The following INSL6 variants were observed in gnomAD, a reference collection of about 807,000 sequenced individuals.
INSL6 encodes insulin like 6.
A neutral mutation model predicts 9.4 loss-of-function variants in INSL6; 16 were observed. The ratio of observed to expected loss-of-function variants is 1.70; its 90% CI spans 1.15 to 2.59. INSL6 has a LOEUF of 2.59. Among genes scored for constraint, INSL6 ranks in the 30% most tolerant of loss-of-function variants. The pLI is 0.00. For synonymous variants in INSL6, 154 were observed against 96.9 expected (o/e 1.59, Z -3.46); for missense variants, 391 against 257.3 (o/e 1.52, Z -3.56).
chr9:5,073,710 G>A, the INSL6 span: 1 of 1,610,474 alleles, frequency 6.2e-7, no homozygotes, highest in South Asian at 1.1e-5. Flanking sequence ...TTTCTTTGAA[G>A]CAGCAAGTAT....
At position 5,156,513 on chromosome 9, in the gene INSL6, T is replaced by C. The variant is rs575140881; in HGVS notation, c.376+7666A>G. 1.7e-4 allele frequency among the ~76,000 whole-genome samples: 26 copies of C among 152,204 alleles called. No individual in the cohort carries two copies. In the South Asian group the frequency reaches 1.9e-3, roughly 11 times the overall value. On this transcript the variant is annotated intron_variant, in intron 2 of 3. Coordinates refer to the INSL6 transcript ENST00000649639. ...GATTTCCATATATGCAGAAAAAGCA[T>C]TGGACAACATTCAACACCTACTCAT...
chr9:5,085,445 TGAA>T, the INSL6 span: 7 of 740,342 alleles, frequency 9.5e-6, no homozygotes, highest in Non-Finnish European at 1.8e-5. Flanking sequence ...GCAGTATTCT[TGAA>T]GGTCTTTTCA....
chr9:5,089,886 T>C, the INSL6 span: 1 of 1,428,604 alleles, frequency 7.0e-7, no homozygotes, highest in Non-Finnish European at 9.2e-7. Context: ...TTGAAACCTA[T>C]TTTAAATTCA....
At chr9:5,071,722 T>C in the INSL6 span, among the ~76,000 whole-genome samples, 1 of 152,084 alleles carries the variant, frequency 6.6e-6, no homozygotes, top group Non-Finnish European at 1.5e-5. Context: ...AGACAATAGA[T>C]AGAATTAGCC....
chr9:5,030,446 G>T, the INSL6 span, among the ~76,000 whole-genome samples: 2 of 152,098 alleles, frequency 1.3e-5, no homozygotes, highest in East Asian at 1.9e-4. Context: ...TTTGATTTGT[G>T]TCTCACAAAT....
At chr9:5,126,456 T>C (rs1824005457) in intron 3 of INSL6, 1 of 1,559,390 alleles carries the variant, frequency 6.4e-7, no homozygotes, top group Admixed American at 1.7e-5. Context: ...GGTAACAATT[T>C]TTTTTTAATC....
chr9:5,176,735 G>C (rs1381102407), intron 1 of INSL6, among the ~76,000 whole-genome samples: 2 of 146,364 alleles, frequency 1.4e-5, no homozygotes, highest in Non-Finnish European at 3.0e-5. Flanking sequence ...AAAAAAAAAT[G>C]GTATAAGTTT....
At chr9:5,112,934 C>T in the INSL6 span, 1 of 235,996 alleles carries the variant, frequency 4.2e-6, no homozygotes, top group African/African-American at 2.3e-5. Flanking sequence ...TGGGCTTCAT[C>T]CACATCCACA....
At chr9:5,044,795 G>C in the INSL6 span, among the ~76,000 whole-genome samples, 1 of 152,138 alleles carries the variant, frequency 6.6e-6, no homozygotes, top group Non-Finnish European at 1.5e-5. Flanking sequence ...ATTTCGCAAA[G>C]TATAGACTGA....
the INSL6 span, among the ~76,000 whole-genome samples, chr9:5,078,985 A>G: frequency 6.6e-6 from 1 of 152,208 alleles, no homozygotes; most frequent in Admixed American, 6.5e-5. Flanking sequence ...CTAGATAATT[A>G]TAACTGAATT....
the INSL6 span, among the ~76,000 whole-genome samples, chr9:5,063,239 T>C: frequency 7.2e-5 from 11 of 152,346 alleles, no homozygotes; most frequent in African/African-American, 2.6e-4. Context: ...TATTGCTTTA[T>C]GATTTTTCCT....
chr9:5,071,800 A>G, the INSL6 span, among the ~76,000 whole-genome samples: 5,334 of 152,292 alleles, frequency 0.035, 192 homozygotes, highest in Non-Finnish European at 0.048. Flanking sequence ...CTTGACTAAC[A>G]TTACAAATCT....
At chr9:5,090,744 G>GGAGT in the INSL6 span, 2 of 1,601,726 alleles carry the variant, frequency 1.2e-6, no homozygotes, top group Non-Finnish European at 1.7e-6. Context: ...CATAGGGTAT[G>GGAGT]GAGTATCTTG....
intron 1 of INSL6, among the ~76,000 whole-genome samples, chr9:5,166,809 T>C (rs954522018): frequency 4.6e-5 from 7 of 152,194 alleles, no homozygotes; most frequent in African/African-American, 1.7e-4. Flanking sequence ...TGGCATAATC[T>C]TTATTCCAAA....
the INSL6 span, among the ~76,000 whole-genome samples, chr9:5,070,905 C>G: frequency 6.6e-6 from 1 of 151,882 alleles, no homozygotes; most frequent in African/African-American, 2.4e-5. Flanking sequence ...TGCAAGGCCA[C>G]GAGTTAAAAG....
rs553398042 is a variant in INSL6, at chr9:5,134,344, C to T, written c.377-752G>A. On this transcript the variant is annotated intron_variant, in intron 2 of 3. Transcript: ENST00000649639. ...TCAAATTCAGGAAATATAGAGAACACCACAAAGATACTCCTCGAGAAGAGC... is the reference window on the plus strand; with the variant it reads ...TCAAATTCAGGAAATATAGAGAACATCACAAAGATACTCCTCGAGAAGAGC... 2.6e-5 allele frequency among the ~76,000 whole-genome samples: 4 copies of T among 152,224 alleles called. No homozygotes were observed. In the East Asian group the frequency reaches 7.7e-4, roughly 29 times the overall value.
the INSL6 span, among the ~76,000 whole-genome samples, chr9:5,058,381 T>G: frequency 1.1e-3 from 163 of 152,230 alleles, no homozygotes; most frequent in African/African-American, 3.7e-3. Context: ...AGAGAGACAG[T>G]GTCCAGGGGA....
intron 3 of INSL6, chr9:5,126,870 T>A (rs1824034571): frequency 1.4e-6 from 1 of 725,824 alleles, no homozygotes; most frequent in Non-Finnish European, 2.3e-6. Context: ...GGACTATTAT[T>A]ACATATATCA....
chr9:5,094,125 T>A, the INSL6 span: 3 of 152,132 alleles, frequency 2.0e-5, no homozygotes, highest in African/African-American at 7.2e-5. Flanking sequence ...CTTTTCCTAC[T>A]TATATTCCCA....
Sources: allele counts gnomAD v4.1 joint callset (sites outside exome capture counted in the v4.1 genomes callset), GRCh38; gene constraint gnomAD v4.1.1; transcripts MANE v1.5; gene names NCBI Gene and HGNC (gene_info 2026-07-23, HGNC 2026-07-21).